Variants in PKD1 observed in about 807,000 individuals in gnomAD.
PKD1 encodes polycystin 1, transient receptor potential channel interacting.
PKD1 carries 81 observed loss-of-function variants against 361.7 expected under a neutral mutation model. The observed-to-expected ratio is 0.22, with a 90% CI of 0.19 to 0.27. The LOEUF (loss-of-function observed/expected upper bound fraction) is 0.27, where lower values mean the gene tolerates loss of function less well. Ranked by LOEUF, PKD1 falls within the 10% of genes least tolerant of loss-of-function variation. The pLI, the probability that PKD1 is intolerant of heterozygous loss-of-function variation, is 1.00. For missense variants in PKD1, 6,399 were observed against 6,118.3 expected (o/e 1.05, Z -1.53); for synonymous variants, 3,615 against 2,818.3 (o/e 1.28, Z -8.95).
At position 2,102,475 on chromosome 16, in the gene PKD1, G is replaced by A; in HGVS notation, c.9107C>T (p.Thr3036Ile). The A allele has an allele frequency of 6.4e-7, 1 of 1,563,192 alleles. No individual in the cohort carries two copies. The highest frequency in any genetic ancestry group is 8.7e-7 in the Non-Finnish European group (1 of 1,155,590). ...GAGGCAGACGGCCTGGCGGGGCGAGGTCTCCTCCAGGGGCAGCAGCCCCTC... is the reference window on the plus strand; with the variant it reads ...GAGGCAGACGGCCTGGCGGGGCGAGATCTCCTCCAGGGGCAGCAGCCCCTC... The part of the protein sequence containing the change: ...RTEGLLPLEE[T>I]SPRQAVCLTR... The change falls in exon 25 of 46, where the codon ACC (threonine) becomes ATC (isoleucine). Residue 3036 changes from threonine to isoleucine, a missense_variant. Physicochemically the swap from Thr to Ile is moderately conservative, Grantham distance 89 (BLOSUM62 -1). Coordinates refer to ENST00000262304, the MANE Select transcript of PKD1 (RefSeq NM_001009944.3).
At chr16:2,098,242 G>A (rs1325735600) in intron 30 of PKD1, 11 of 546,698 alleles carry the variant, frequency 2.0e-5, no homozygotes, top group East Asian at 6.4e-5. Context: ...ATGGAGTCTC[G>A]CTGTCACCCA....
At position 2,089,406 on chromosome 16, in the gene PKD1, G is replaced by A. The variant is rs2091342253; in HGVS notation, c.*321C>T. On this transcript the variant is annotated 3_prime_UTR_variant, in exon 46 of 46. Coordinates refer to ENST00000262304, the MANE Select transcript of PKD1 (RefSeq NM_001009944.3). ...TGAAGCCAGCAGCCTTAGCAGTGGG[G>A]GACATCTGCCCAGGGGGTGGGGCCG... 4.4e-6 allele frequency: 2 copies of A among 449,742 alleles called. No individual in the cohort carries two copies. Among genetic ancestry groups the A allele is most frequent in the South Asian group, 2.8e-5 (1 of 35,996 alleles). 27.9% of individuals were successfully genotyped at this position (449,742 alleles called of 1,614,324 possible).
rs373914653 is a variant in PKD1 at position 2,103,965 on chromosome 16, G to T, written c.8162-70C>A. On this transcript the variant is annotated intron_variant, in intron 22 of 45. Coordinates refer to ENST00000262304, the MANE Select transcript of PKD1 (RefSeq NM_001009944.3). The stretch of plus-strand genomic sequence containing the variant: ...GAGGGTGGGGGCAGGCAAAAAGGGG[G>T]AGCCGGAGGGTGGGGGCTGGGAGAA... The T allele has an allele frequency of 1.9e-4, 70 of 365,846 alleles. No individual in the cohort carries two copies. In the East Asian group the frequency reaches 4.6e-3, roughly 24 times the overall value. The allele number at this position is 365,846 out of a possible 1,614,324, so 22.7% of individuals were successfully genotyped here. A position where few individuals can be genotyped will look rare whatever the true frequency, so the allele number is the denominator to read the frequency against.
chr16:2,110,229 G>A lies in PKD1; in HGVS notation c.4938C>T (p.Thr1646=). The A allele has an allele frequency of 6.2e-7, 1 of 1,612,130 alleles. No individual in the cohort carries two copies. Among genetic ancestry groups the A allele is most frequent in the African/African-American group, 1.3e-5 (1 of 75,044 alleles). The change falls in exon 15 of 46, where the codon ACC becomes ACT. Residue 1646 remains threonine (T), a synonymous_variant. Transcript: ENST00000262304. ...QVVGGGRYFP[T]NHTVQLQAVV... ...CGGCCTGCAGCTGTACCGTGTGGTT[G>A]GTGGGGAAGTAGCGGCCACCGCCCA...
rs763393238 is a variant in PKD1 at position 2,097,393 on chromosome 16, TGGCCCGCCTGG to T, written c.10320_10330del (p.Gln3441TrpfsTer26). 46 of 1,610,698 alleles carry T rather than the reference TGGCCCGCCTGG, an allele frequency of 2.9e-5. No homozygotes were observed. The highest frequency in any genetic ancestry group is 6.7e-5 in the Admixed American group (4 of 59,990). ...GCCGTCCTCCTCTGGGCCCAGCCCA[TGGCCCGCCTGG>T]CCCCGTGCCAGCTGCCGCAGATTGC... On this transcript the variant is annotated frameshift_variant, in exon 33 of 46. Coordinates refer to ENST00000262304, the MANE Select transcript of PKD1 (RefSeq NM_001009944.3). LOFTEE classifies it high-confidence loss of function.
In PKD1 at chr16:2,102,426, G is replaced by A. The variant is rs371368338; in HGVS notation, c.9156C>T (p.Gly3052=). The change falls in exon 25 of 46, where the codon GGC becomes GGT. Residue 3052 remains glycine, a synonymous_variant. Transcript: ENST00000262304. ...VCLTRHLTAF[G]ASLFVPPSHV... ...GGCTTGGGGGCACGAAGAGGCTGGC[G>A]CCGAAGGCGGTGAGGTGGCGGGTGA... The A allele has an allele frequency of 4.3e-4, 669 of 1,551,490 alleles. 3 individuals carry two copies. The East Asian group carries it at 9.8e-3, about 23-fold the overall frequency.
intron 34 of PKD1, chr16:2,095,119 C>G (rs911926294): frequency 6.6e-6 from 1 of 152,088 alleles, no homozygotes; most frequent in East Asian, 1.9e-4. Context: ...AATGACCTAG[C>G]CTCAACTTGG....
At chr16:2,130,356 ACT>A (rs765142881) in intron 1 of PKD1, among the ~76,000 whole-genome samples, 1 of 151,542 alleles carries the variant, frequency 6.6e-6, no homozygotes, top group Non-Finnish European at 1.5e-5. Flanking sequence ...CCCCTTGGGG[ACT>A]CTCTCTGGGC....
At position 2,099,874 on chromosome 16, in the gene PKD1, C is replaced by T. The variant is rs773798664; in HGVS notation, c.9910G>A (p.Asp3304Asn). The change falls in exon 29 of 46, where the codon GAC becomes AAC. Residue 3304 changes from aspartate to asparagine, a missense_variant. Asp to Asn is a conservative substitution (Grantham distance 23). Coordinates refer to ENST00000262304, the MANE Select transcript of PKD1 (RefSeq NM_001009944.3). ...TACGGCACCCACCTGTAGGCAGAGT[C>T]GCCAACAGCCCCGTACCACACGGCG... ...ANAVWYGAVG[D>N]SAYSTGHVSR... 33 of 1,566,640 alleles carry T rather than the reference C, an allele frequency of 2.1e-5. No homozygotes were observed. The highest frequency in any genetic ancestry group is 2.7e-5 in the Non-Finnish European group (31 of 1,157,136).
rs1311041065 is a variant in PKD1, at chr16:2,114,771, A to G, written c.2252T>C (p.Leu751Pro). The change falls in exon 11 of 46, where the codon CTG becomes CCG. Residue 751 changes from leucine (L) to proline (P), a missense_variant. Leu to Pro is a moderately conservative substitution (Grantham distance 98, BLOSUM62 -3). Transcript: ENST00000262304. The stretch of plus-strand genomic sequence containing the variant: ...CTCCAGCTGGGCTGGCAAGTGGGGC[A>G]GCCATGACGAGGCGTTGGCGGAGAG... ...PYLSANASSW[L>P]PHLPAQLEGT... is the part of the protein sequence containing the mutation. The G allele has an allele frequency of 7.2e-7, 1 of 1,379,682 alleles. No homozygotes were observed. The highest frequency in any genetic ancestry group is 9.9e-7 in the Non-Finnish European group (1 of 1,006,928). 85.5% of individuals were successfully genotyped at this position (1,379,682 alleles called of 1,614,324 possible).
intron 30 of PKD1, chr16:2,098,824 G>C (rs1308551144): frequency 2.2e-5 from 3 of 138,342 alleles, no homozygotes; most frequent in Admixed American, 6.9e-5. Context: ...GCTTTTCTTT[G>C]TGGGATTTTT....
rs895173653 is a variant in PKD1, at chr16:2,088,855, T to C, written c.*872A>G. 131 of 564,186 alleles carry C rather than the reference T, an allele frequency of 2.3e-4. No homozygotes were observed. Among genetic ancestry groups the C allele is most frequent in the Non-Finnish European group, 3.8e-4 (121 of 317,220 alleles). The allele number at this position is 564,186 out of a possible 1,614,324, so 34.9% of individuals were successfully genotyped here. The stretch of plus-strand genomic sequence containing the variant: ...GAGGGCCTTGAGGCTGCCTGGGCCA[T>C]ACAGCACACTCGCGCGTGCGCGCGC... On this transcript the variant is annotated 3_prime_UTR_variant, in exon 46 of 46. Transcript: ENST00000262304.
rs191717700 is a variant in PKD1 at position 2,109,316 on chromosome 16, G to T, written c.5851C>A (p.Arg1951=). ...PRVGDHVVSV[R]GKNHVSWAQA... ...GCCCAGCTCACGTGGTTTTTGCCCC[G>T]CACGCTCACCACGTGGTCTCCGACG... is the stretch of plus-strand genomic sequence containing the variant. Residue 1951 remains arginine, a synonymous_variant, in exon 15 of 46, where the codon CGG becomes AGG. Transcript: ENST00000262304. 1.0e-4 allele frequency: 161 copies of T among 1,586,888 alleles called. No individual in the cohort carries two copies. The highest frequency in any genetic ancestry group is 1.3e-4 in the Non-Finnish European group (149 of 1,170,202).
Position 2,089,870 on chromosome 16 carries a change from C to T in PKD1, c.12769G>A (p.Gly4257Arg), listed in dbSNP as rs369397443. ...CCCGGGGATGGGCCACGGGAAGATC[C>T]GGCGGGCGCCCGGCTGCTCCTGCGG... ...QGRRSSRAPA[G>R]SSRGPSPGLR... The change falls in exon 46 of 46, where the codon GGA becomes AGA. Residue 4257 changes from glycine to arginine, a missense_variant. Transcript: ENST00000262304. The T allele has an allele frequency of 3.8e-4, 617 of 1,609,380 alleles. 1 individual carries two copies. In the African/African-American group the frequency reaches 7.0e-3, roughly 18 times the overall value.
Position 2,105,290 on chromosome 16 carries a change from C to A in PKD1, c.8016+32G>T, listed in dbSNP as rs769980546. 7.5e-6 allele frequency: 12 copies of A among 1,590,444 alleles called. No homozygotes were observed. In the South Asian group the frequency reaches 1.3e-4, roughly 18 times the overall value. On this transcript the variant is annotated intron_variant, in intron 21 of 45. Transcript: ENST00000262304. ...TGAACCCAGTGCCCTGGCAGGCATG[C>A]GGGGCAGGGTGAGCAGGTGGGGCCA... is the stretch of plus-strand genomic sequence containing the variant.
chr16:2,099,436 T>A (rs1377925105), intron 30 of PKD1: 2 of 669,058 alleles, frequency 3.0e-6, no homozygotes, highest in African/African-American at 1.8e-5. Context: ...CAAAGTGCCC[T>A]CGTTCTTTCA....
intron 34 of PKD1, 91 bp downstream of exon 34, chr16:2,097,057 C>A (rs1056648540): frequency 2.7e-6 from 2 of 743,220 alleles, no homozygotes; most frequent in African/African-American, 1.7e-5. Context: ...CACCCCACCC[C>A]ACCCTACCCC....
rs559859602 is a variant in PKD1 at position 2,109,101 on chromosome 16, C to T, written c.6066G>A (p.Ser2022=). 20 of 1,603,136 alleles carry T rather than the reference C, an allele frequency of 1.2e-5. No homozygotes were observed. Among genetic ancestry groups the T allele is most frequent in the African/African-American group, 4.0e-5 (3 of 74,892 alleles). ...CGGGCGTGTAGGTGACGTCGCGGCC[C>T]GACAGGATGACCAGCGAGTCGCCCT... ...KVQGDSLVIL[S]GRDVTYTPVA... is the part of the protein sequence containing the mutation. The change falls in exon 15 of 46, where the codon TCG becomes TCA. Residue 2022 remains serine, a synonymous_variant. Coordinates refer to ENST00000262304, the MANE Select transcript of PKD1 (RefSeq NM_001009944.3).
rs763405026 is a variant in PKD1 at position 2,090,390 on chromosome 16, C to T, written c.12339G>A (p.Leu4113=). 8.7e-6 allele frequency: 14 copies of T among 1,612,708 alleles called. No individual in the cohort carries two copies. The highest frequency in any genetic ancestry group is 1.3e-5 in the African/African-American group (1 of 75,054). The change falls in exon 45 of 46, where the codon TTG becomes TTA. Residue 4113 remains leucine, a synonymous_variant. Coordinates refer to ENST00000262304, the MANE Select transcript of PKD1 (RefSeq NM_001009944.3). Reference sequence around the variant, plus strand: ...AGGCCGGCCGGTACAGCTCTCCACGCAAGGCGTGGTAGCGCCAGCGGAGAA... The same window carrying T: ...AGGCCGGCCGGTACAGCTCTCCACGTAAGGCGTGGTAGCGCCAGCGGAGAA... ...AVILRWRYHA[L]RGELYRPAWE...
Sources: gnomAD v4.1 joint callset for allele counts (sites outside exome capture counted in the v4.1 genomes callset) on GRCh38, gnomAD v4.1.1 for gene constraint, MANE v1.5 for transcripts, NCBI Gene and HGNC (gene_info 2026-07-23, HGNC 2026-07-21) for gene names.